Variants in ARFGAP3 observed in about 807,000 individuals in gnomAD.
ARFGAP3 encodes ARF GTPase activating protein 3.
ARFGAP3 carries 72 observed loss-of-function variants against 75.0 expected under a neutral mutation model. The observed-to-expected ratio is 0.96, with a 90% CI of 0.79 to 1.17. ARFGAP3 has a LOEUF of 1.17. ARFGAP3 is among the 50% of genes most tolerant of loss of function. The pLI, the probability that ARFGAP3 is intolerant of heterozygous loss-of-function variation, is 0.00. For missense variants in ARFGAP3, 620 were observed against 626.6 expected, an observed-to-expected ratio of 0.99 and a Z score of 0.11; for synonymous variants, 221 against 217.9, an observed-to-expected ratio of 1.01 and a Z score of -0.13.
intron 5 of ARFGAP3, among the ~76,000 whole-genome samples, chr22:42,833,408 T>C (rs936484890): frequency 5.3e-5 from 8 of 152,152 alleles, no homozygotes; most frequent in Admixed American, 2.6e-4. Context: ...TTCCAGCTCA[T>C]AGGACATAAG....
At chr22:42,828,055 C>T (rs996805831) in intron 6 of ARFGAP3, among the ~76,000 whole-genome samples, 2 of 151,572 alleles carry the variant, frequency 1.3e-5, no homozygotes, top group African/African-American at 2.4e-5. Flanking sequence ...GAGGTCGAGG[C>T]GGGCAGATCA....
intron 3 of ARFGAP3, among the ~76,000 whole-genome samples, chr22:42,838,530 CAA>C (rs1323896234): frequency 9.2e-5 from 14 of 151,868 alleles, no homozygotes. Flanking sequence ...CTCCTGGACT[CAA>C]GTGATCCTCT....
chr22:42,814,435 C>A (rs1047532543), intron 11 of ARFGAP3, among the ~76,000 whole-genome samples: 1 of 152,190 alleles, frequency 6.6e-6, no homozygotes, highest in Middle Eastern at 3.2e-3. Flanking sequence ...AAACAATACA[C>A]CAAGGTCTCT....
intron 1 of ARFGAP3, among the ~76,000 whole-genome samples, chr22:42,851,641 G>A (rs1345810734): frequency 6.6e-6 from 1 of 152,206 alleles, no homozygotes; most frequent in Non-Finnish European, 1.5e-5. Flanking sequence ...CATAAATGCT[G>A]CCTTGATCCT....
Position 42,849,854 on chromosome 22 carries a change from G to A in ARFGAP3, c.70-2222C>T, listed in dbSNP as rs114384921. 5.0e-3 allele frequency among the ~76,000 whole-genome samples: 756 copies of A among 152,128 alleles called. 1 individual carries two copies. Among genetic ancestry groups the A allele is most frequent in the African/African-American group, 0.016 (657 of 41,496 alleles). On this transcript the variant is annotated intron_variant, in intron 1 of 15. Transcript: ENST00000263245. ...TAGGATTACAGGTGTGAGCCACCAC[G>A]TCCGGCTCCTGTCACCTTACTTTCC...
intron 10 of ARFGAP3, 192 bp from the exon 11 acceptor site, chr22:42,817,456 C>T (rs958620416): frequency 1.2e-5 from 4 of 329,978 alleles, no homozygotes; most frequent in Non-Finnish European, 1.3e-5. Context: ...ACTGTGTCTA[C>T]ACCAAATGCA....
chr22:42,822,213 CTTGAGTTAATAGTTTTAT>C, intron 9 of ARFGAP3, 39 bp downstream of exon 9: 2 of 1,361,630 alleles, frequency 1.5e-6, no homozygotes, highest in Non-Finnish European at 2.0e-6. Flanking sequence ...AAAGCAAAAT[CTTGAGTTAATAGTTTTAT>C]TCCCTGAAAA....
At position 42,817,757 on chromosome 22, in the gene ARFGAP3, G is replaced by A. The variant is rs771575727; in HGVS notation, c.913C>T (p.Leu305Phe). Reference protein sequence around the residue: ...SGKKNVDSDRLGMGFGNCRSV... With the variant: ...SGKKNVDSDRFGMGFGNCRSV... ...CTGCAATTTCCAAATCCCATGCCGA[G>A]TCTGTCTGAGTCAACATTTTTTTTG... Residue 305 changes from leucine (L) to phenylalanine (F), a missense_variant, in exon 10 of 16, where the codon CTC (leucine) becomes TTC (phenylalanine). Leu to Phe is a conservative substitution (Grantham distance 22, BLOSUM62 0). Coordinates refer to ENST00000263245, the MANE Select transcript of ARFGAP3 (RefSeq NM_014570.5). 1 of 1,613,136 alleles carries A rather than the reference G, an allele frequency of 6.2e-7. No individual in the cohort carries two copies. Among genetic ancestry groups the A allele is most frequent in the South Asian group, 1.1e-5 (1 of 90,978 alleles).
intron 7 of ARFGAP3, among the ~76,000 whole-genome samples, chr22:42,825,308 C>G (rs1044751508): frequency 3.3e-5 from 5 of 152,170 alleles, no homozygotes; most frequent in African/African-American, 1.2e-4. Context: ...ATGTATACAA[C>G]TAAAGCAGCC....
At chr22:42,798,578 C>T (rs562237071) in intron 15 of ARFGAP3, among the ~76,000 whole-genome samples, 2 of 152,320 alleles carry the variant, frequency 1.3e-5, no homozygotes, top group South Asian at 2.1e-4. Context: ...CTCCCAGCAT[C>T]ACAGAGAAAA....
intron 6 of ARFGAP3, 95 bp downstream of exon 6, chr22:42,831,454 G>C: frequency 7.8e-7 from 1 of 1,286,602 alleles, no homozygotes; most frequent in Non-Finnish European, 1.1e-6. Context: ...TTACAGGCAT[G>C]AGCCACTGTG....
chr22:42,855,369 CT>C (rs1729137924), intron 1 of ARFGAP3, among the ~76,000 whole-genome samples: 1 of 152,312 alleles, frequency 6.6e-6, no homozygotes, highest in African/African-American at 2.4e-5. Flanking sequence ...AGGACCCACT[CT>C]TTATAAACAC....
At chr22:42,811,943 A>T (rs1925382350) in intron 11 of ARFGAP3, among the ~76,000 whole-genome samples, 1 of 152,134 alleles carries the variant, frequency 6.6e-6, no homozygotes, top group Admixed American at 6.5e-5. Flanking sequence ...TTGGGAGGCC[A>T]AGGCAGGTGG....
At chr22:42,812,238 A>AAC (rs2094998177) in intron 11 of ARFGAP3, among the ~76,000 whole-genome samples, 1 of 150,716 alleles carries the variant, frequency 6.6e-6, no homozygotes, top group Non-Finnish European at 1.5e-5. Flanking sequence ...AAAAAAAAAA[A>AAC]AAAAAAAAAG....
At chr22:42,813,138 C>T (rs1445545896) in intron 11 of ARFGAP3, among the ~76,000 whole-genome samples, 1 of 152,164 alleles carries the variant, frequency 6.6e-6, no homozygotes. Flanking sequence ...TTAATAAGCA[C>T]CTACGAGGAG....
chr22:42,852,044 A>G, intron 1 of ARFGAP3, among the ~76,000 whole-genome samples: 1 of 151,500 alleles, frequency 6.6e-6, no homozygotes, highest in East Asian at 1.9e-4. Context: ...GATTGGCTTA[A>G]TGCTCTGCTG....
chr22:42,798,933 A>G (rs1185997056), intron 15 of ARFGAP3, 106 bp downstream of exon 15: 11 of 922,542 alleles, frequency 1.2e-5, no homozygotes, highest in Non-Finnish European at 2.0e-5. Flanking sequence ...TATCGATCCA[A>G]TAATATATAA....
chr22:42,810,845 T>G lies in ARFGAP3; in HGVS notation c.1164A>C (p.Glu388Asp). Residue 388 changes from glutamate to aspartate, a missense_variant, in exon 12 of 16, where the codon GAA becomes GAC. Physicochemically the swap from Glu to Asp is conservative, Grantham distance 45. Transcript: ENST00000263245. Reference sequence around the variant, plus strand: ...AATAGCCTGTGGTTTTCAGAACTGTTTCAGTATCTTTGCTGGTCTCTTTTT... The same window carrying G: ...AATAGCCTGTGGTTTTCAGAACTGTGTCAGTATCTTTGCTGGTCTCTTTTT... ...YWKKETSKDT[E>D]TVLKTTGYSD... 1 of 1,614,236 alleles carries G rather than the reference T, an allele frequency of 6.2e-7. No homozygotes were observed. Among genetic ancestry groups the G allele is most frequent in the Non-Finnish European group, 8.5e-7 (1 of 1,180,042 alleles).
chr22:42,805,462 C>A (rs966248301), intron 14 of ARFGAP3, among the ~76,000 whole-genome samples: 3 of 152,196 alleles, frequency 2.0e-5, no homozygotes, highest in Non-Finnish European at 4.4e-5. Flanking sequence ...GGCGACCCAG[C>A]ACTGACCTGT....
Sources: gnomAD v4.1 joint callset for allele counts (sites outside exome capture counted in the v4.1 genomes callset) on GRCh38, gnomAD v4.1.1 for gene constraint, MANE v1.5 for transcripts, NCBI Gene and HGNC (gene_info 2026-07-23, HGNC 2026-07-21) for gene names.